Variants in KCNMA1 observed in about 807,000 individuals in gnomAD.
KCNMA1 encodes the protein potassium calcium-activated channel subfamily M alpha 1, also known as Calcium-activated potassium channel subunit alpha-1.
Under a neutral mutation model 140.0 loss-of-function variants are expected in KCNMA1, and 29 were observed. The observed-to-expected ratio is 0.21, with a 90% confidence interval of 0.15 to 0.28. The LOEUF (loss-of-function observed/expected upper bound fraction) is 0.28, where lower values mean the gene tolerates loss of function less well. Among genes scored for constraint, KCNMA1 ranks in the 10% least tolerant of loss-of-function variants. KCNMA1 has a pLI of 1.00. For synonymous variants in KCNMA1, 612 were observed against 611.9 expected, an observed-to-expected ratio of 1.00 and a Z score of 0.00; for missense variants, 880 against 1,602.2, an observed-to-expected ratio of 0.55 and a Z score of 7.70.
At chr10:77,542,026 A>T (rs931039286) in intron 1 of KCNMA1, among the ~76,000 whole-genome samples, 1 of 152,140 alleles carries the variant, frequency 6.6e-6, no homozygotes, top group Non-Finnish European at 1.5e-5. Flanking sequence ...CTCCCCAAAA[A>T]TTTATATGTA....
chr10:77,508,704 C>T (rs942707363), intron 1 of KCNMA1, among the ~76,000 whole-genome samples: 1 of 150,340 alleles, frequency 6.7e-6, no homozygotes, highest in Non-Finnish European at 1.5e-5. Context: ...TTCTATAGCA[C>T]GAAGTACATT....
intron 18 of KCNMA1, among the ~76,000 whole-genome samples, chr10:77,006,963 A>T (rs937932299): frequency 1.3e-5 from 2 of 152,200 alleles, no homozygotes; most frequent in Non-Finnish European, 2.9e-5. Flanking sequence ...AACACTGATG[A>T]CTAACCAAAA....
At chr10:77,539,084 G>A (rs1173817176) in intron 1 of KCNMA1, among the ~76,000 whole-genome samples, 1 of 152,132 alleles carries the variant, frequency 6.6e-6, no homozygotes, top group Middle Eastern at 3.2e-3. Context: ...GGAAGAAGCT[G>A]GAGACTCTGA....
At chr10:77,111,414 T>C (rs1054590669) in intron 7 of KCNMA1, among the ~76,000 whole-genome samples, 1 of 152,186 alleles carries the variant, frequency 6.6e-6, no homozygotes, top group Admixed American at 6.5e-5. Flanking sequence ...CTAATACCCG[T>C]AGTAAGGTGG....
intron 24 of KCNMA1, 150 bp from the exon 25 acceptor site, chr10:76,910,246 G>T (rs1258310312): frequency 7.6e-6 from 6 of 787,150 alleles, no homozygotes; most frequent in Non-Finnish European, 1.1e-5. Context: ...TTTGGGTAAG[G>T]GGGGCAGTGG....
intron 1 of KCNMA1, among the ~76,000 whole-genome samples, chr10:77,612,917 A>C (rs2087546063): frequency 6.7e-6 from 1 of 150,310 alleles, no homozygotes; most frequent in South Asian, 2.1e-4. Flanking sequence ...CTCTCTCCCT[A>C]CTCCCCCCAC....
Position 76,885,061 on chromosome 10 carries a change from A to G in KCNMA1, c.*2205T>C. The G allele has an allele frequency of 6.5e-7, 1 of 1,547,072 alleles. No individual in the cohort carries two copies. The highest frequency in any genetic ancestry group is 8.7e-7 in the Non-Finnish European group (1 of 1,145,588). On this transcript the variant is annotated 3_prime_UTR_variant, in exon 28 of 28. Transcript: ENST00000286628. ...GCTATGTGAGTTTTACAATGCTTTT[A>G]AACTGTCATATTTCCTGTTGAGCAC...
intron 3 of KCNMA1, among the ~76,000 whole-genome samples, chr10:77,248,023 C>T (rs1017401338): frequency 2.0e-5 from 3 of 152,002 alleles, no homozygotes; most frequent in Admixed American, 6.6e-5. Context: ...TCTGTCTTTG[C>T]CTAATGGCCA....
chr10:76,949,545 G>A, intron 21 of KCNMA1, 179 bp from the exon 22 acceptor site: 3 of 639,120 alleles, frequency 4.7e-6, no homozygotes, highest in Non-Finnish European at 8.4e-6. Context: ...ATTTGAGCAC[G>A]TGTATATGTA....
intron 2 of KCNMA1, among the ~76,000 whole-genome samples, chr10:77,348,154 C>G (rs2092427553): frequency 6.6e-6 from 1 of 152,180 alleles, no homozygotes; most frequent in South Asian, 2.1e-4. Flanking sequence ...TACAGGACAT[C>G]TATGGTCTTT....
intron 19 of KCNMA1, chr10:76,980,689 A>G (rs1207296106): frequency 6.6e-6 from 1 of 152,168 alleles, no homozygotes; most frequent in Non-Finnish European, 1.5e-5. Flanking sequence ...CAGCTGCTCA[A>G]ATGCCCCACT....
chr10:77,000,857 A>AAAATAT (rs1565460686), intron 19 of KCNMA1, among the ~76,000 whole-genome samples: 1 of 36,662 alleles, frequency 2.7e-5, no homozygotes, highest in African/African-American at 9.2e-5. Context: ...GTAAAAAGAA[A>AAAATAT]ATATATATAT....
intron 2 of KCNMA1, among the ~76,000 whole-genome samples, chr10:77,364,194 TA>T (rs1008106381): frequency 3.3e-5 from 5 of 152,170 alleles, no homozygotes; most frequent in African/African-American, 1.2e-4. Context: ...CTCACACCTG[TA>T]ATCCCAGCAC....
chr10:77,494,100 C>G (rs982636936), intron 1 of KCNMA1, among the ~76,000 whole-genome samples: 1 of 152,198 alleles, frequency 6.6e-6, no homozygotes, highest in South Asian at 2.1e-4. Flanking sequence ...AAGACAATAA[C>G]CGCAACACAG....
chr10:77,628,890 G>A (rs2092855970), intron 1 of KCNMA1, among the ~76,000 whole-genome samples: 1 of 152,198 alleles, frequency 6.6e-6, no homozygotes, highest in African/African-American at 2.4e-5. Flanking sequence ...AAAGGATGGA[G>A]CAAGAGGAGG....
intron 1 of KCNMA1, among the ~76,000 whole-genome samples, chr10:77,506,588 A>AGTGTGTGTGT (rs1203335926): frequency 6.3e-5 from 6 of 95,578 alleles, no homozygotes; most frequent in African/African-American, 3.6e-4. Context: ...AGAGAGAGAG[A>AGTGTGTGTGT]GAGAGAGAGT....
At chr10:77,590,379 G>A (rs1264534287) in intron 1 of KCNMA1, among the ~76,000 whole-genome samples, 1 of 152,220 alleles carries the variant, frequency 6.6e-6, no homozygotes, top group African/African-American at 2.4e-5. Context: ...CCCACGGAGG[G>A]GCAGGGAGGC....
intron 5 of KCNMA1, among the ~76,000 whole-genome samples, chr10:77,128,298 G>T (rs1032029358): frequency 4.0e-5 from 6 of 151,308 alleles, no homozygotes; most frequent in Non-Finnish European, 5.9e-5. Context: ...TTTACTTAAG[G>T]TGGGTTTCTT....
At chr10:77,460,279 C>T (rs2097841458) in intron 1 of KCNMA1, among the ~76,000 whole-genome samples, 2 of 152,176 alleles carry the variant, frequency 1.3e-5, no homozygotes. Context: ...CTGCCTCCCT[C>T]TCCACCCATC....
Sources: allele counts gnomAD v4.1 joint callset (sites outside exome capture counted in the v4.1 genomes callset), GRCh38; gene constraint gnomAD v4.1.1; transcripts MANE v1.5; gene names NCBI Gene and HGNC (gene_info 2026-07-23, HGNC 2026-07-21).